The following NLGN1 variants were observed in gnomAD, a reference collection of about 807,000 sequenced individuals.
The protein encoded by NLGN1 is neuroligin-1.
Under a neutral mutation model 65.5 loss-of-function variants are expected in NLGN1, and 12 were observed. That is an observed-to-expected ratio of 0.18 (90% CI 0.12 to 0.30). The LOEUF (loss-of-function observed/expected upper bound fraction) is 0.30. Among genes scored for constraint, NLGN1 ranks in the 10% least tolerant of loss-of-function variants. The pLI is 1.00. For missense variants in NLGN1, 750 were observed against 1,007.1 expected (o/e 0.74, Z 3.46); for synonymous variants, 350 against 359.5 (o/e 0.97, Z 0.30).
intron 1 of NLGN1, among the ~76,000 whole-genome samples, chr3:173,403,449 C>T (rs1037925251): frequency 2.6e-5 from 4 of 152,068 alleles, no homozygotes; most frequent in African/African-American, 7.2e-5. Flanking sequence ...TGGCCAGTTA[C>T]TCTCATAAAG....
At chr3:174,271,006 C>T (rs759600948) in intron 4 of NLGN1, among the ~76,000 whole-genome samples, 5 of 151,804 alleles carry the variant, frequency 3.3e-5, no homozygotes, top group Non-Finnish European at 7.4e-5. Context: ...AGTATGGTCT[C>T]TATTTTGAAA....
chr3:173,703,224 T>G (rs1301930693), intron 3 of NLGN1, among the ~76,000 whole-genome samples: 1 of 152,190 alleles, frequency 6.6e-6, no homozygotes, highest in Non-Finnish European at 1.5e-5. Flanking sequence ...TAGAACCAAA[T>G]TAGTACAAAG....
At chr3:173,800,228 T>G in intron 3 of NLGN1, 6 of 470,662 alleles carry the variant, frequency 1.3e-5, no homozygotes, top group Non-Finnish European at 1.9e-5. Context: ...TTTTTTCCCC[T>G]CAGTCTTGTT....
At chr3:173,651,982 T>C (rs1453496850) in intron 3 of NLGN1, among the ~76,000 whole-genome samples, 1 of 152,036 alleles carries the variant, frequency 6.6e-6, no homozygotes, top group African/African-American at 2.4e-5. Flanking sequence ...CTAGTAGAGA[T>C]GGGATTTCAC....
At chr3:173,497,427 T>C (rs1730219392) in intron 2 of NLGN1, among the ~76,000 whole-genome samples, 1 of 151,414 alleles carries the variant, frequency 6.6e-6, no homozygotes, top group Non-Finnish European at 1.5e-5. Flanking sequence ...TAAATTCTTA[T>C]TTATATCTTC....
chr3:173,725,437 G>T (rs1350527050), intron 3 of NLGN1, among the ~76,000 whole-genome samples: 1 of 152,150 alleles, frequency 6.6e-6, no homozygotes, highest in Non-Finnish European at 1.5e-5. Context: ...CATGCAGTAT[G>T]TCCAAAGATC....
intron 4 of NLGN1, among the ~76,000 whole-genome samples, chr3:174,139,591 G>A (rs903341614): frequency 6.6e-5 from 10 of 152,018 alleles, no homozygotes; most frequent in African/African-American, 1.9e-4. Flanking sequence ...GCAGGTTTTC[G>A]TGTGGACCTA....
At chr3:173,576,861 T>C (rs979773321) in intron 2 of NLGN1, among the ~76,000 whole-genome samples, 7 of 152,198 alleles carry the variant, frequency 4.6e-5, no homozygotes, top group Non-Finnish European at 8.8e-5. Flanking sequence ...TCTTTCTTGA[T>C]TTGTTAATTT....
At chr3:173,603,939 A>G (rs1577487156) in intron 2 of NLGN1, among the ~76,000 whole-genome samples, 2 of 152,094 alleles carry the variant, frequency 1.3e-5, no homozygotes, top group Admixed American at 1.3e-4. Flanking sequence ...TTAATCTTCT[A>G]TTGCTTGAAG....
intron 2 of NLGN1, among the ~76,000 whole-genome samples, chr3:173,582,028 G>C (rs1031872637): frequency 6.6e-6 from 1 of 151,828 alleles, no homozygotes; most frequent in East Asian, 1.9e-4. Flanking sequence ...ATATTTTGCT[G>C]TATATAGGTA....
At chr3:174,258,969 C>T (rs1014739826) in intron 4 of NLGN1, among the ~76,000 whole-genome samples, 2 of 152,020 alleles carry the variant, frequency 1.3e-5, no homozygotes, top group African/African-American at 2.4e-5. Context: ...TTAAATGTTT[C>T]TGTAATACTG....
intron 3 of NLGN1, among the ~76,000 whole-genome samples, chr3:173,776,520 C>T (rs905752103): frequency 6.6e-6 from 1 of 151,998 alleles, no homozygotes; most frequent in African/African-American, 2.4e-5. Context: ...GTGGTGTTGA[C>T]AACCTAGTAC....
At chr3:173,478,095 C>T (rs2148954779) in intron 2 of NLGN1, among the ~76,000 whole-genome samples, 1 of 152,278 alleles carries the variant, frequency 6.6e-6, no homozygotes, top group Middle Eastern at 3.4e-3. Context: ...TACAAAGATA[C>T]ATGCATGCAT....
At chr3:174,077,999 G>C (rs1212972430) in intron 4 of NLGN1, among the ~76,000 whole-genome samples, 1 of 151,918 alleles carries the variant, frequency 6.6e-6, no homozygotes, top group Admixed American at 6.6e-5. Context: ...CAAAATGGAG[G>C]AACAAAACCA....
At chr3:173,880,941 T>C (rs1465321672) in intron 4 of NLGN1, among the ~76,000 whole-genome samples, 1 of 152,170 alleles carries the variant, frequency 6.6e-6, no homozygotes, top group Non-Finnish European at 1.5e-5. Context: ...TTTATTGTCA[T>C]TTCAACTATA....
chr3:173,448,848 G>A (rs1445126568), intron 2 of NLGN1, among the ~76,000 whole-genome samples: 1 of 152,132 alleles, frequency 6.6e-6, no homozygotes, highest in Non-Finnish European at 1.5e-5. Flanking sequence ...GTTTATTTGT[G>A]TATAGGTGTT....
intron 3 of NLGN1, among the ~76,000 whole-genome samples, chr3:173,740,503 T>C (rs1774479632): frequency 6.6e-6 from 1 of 152,046 alleles, no homozygotes; most frequent in Non-Finnish European, 1.5e-5. Context: ...ATAAAACCCA[T>C]ATCTTGGCCA....
intron 4 of NLGN1, among the ~76,000 whole-genome samples, chr3:173,953,401 T>C (rs1212188264): frequency 2.6e-5 from 4 of 152,228 alleles, no homozygotes; most frequent in Non-Finnish European, 5.9e-5. Context: ...GGTATTGTTA[T>C]GTTTCTGAGT....
intron 4 of NLGN1, among the ~76,000 whole-genome samples, chr3:173,872,891 C>A (rs2150878604): frequency 6.6e-6 from 1 of 151,862 alleles, no homozygotes; most frequent in East Asian, 1.9e-4. Context: ...GTTTTTTGTT[C>A]TTTATTACAT....
Sources: gnomAD v4.1 joint callset for allele counts (sites outside exome capture counted in the v4.1 genomes callset) on GRCh38, gnomAD v4.1.1 for gene constraint, MANE v1.5 for transcripts, NCBI Gene and HGNC (gene_info 2026-07-23, HGNC 2026-07-21) for gene names.